RGS20: variants seen among roughly 807,000 people sequenced by gnomAD.
RGS20 encodes the protein regulator of G protein signaling 20.
RGS20 carries 30 observed loss-of-function variants against 33.6 expected under a neutral mutation model. The ratio of observed to expected loss-of-function variants is 0.89; its 90% CI spans 0.67 to 1.21. RGS20 has a LOEUF of 1.21. RGS20 is among the 50% of genes most tolerant of loss of function. RGS20 has a pLI of 0.00. For missense variants in RGS20, 472 were observed against 502.4 expected, an observed-to-expected ratio of 0.94 and a Z score of 0.58; for synonymous variants, 208 against 197.9, an observed-to-expected ratio of 1.05 and a Z score of -0.43.
chr8:53,889,567 G>A (rs1812655387), intron 2 of RGS20, among the ~76,000 whole-genome samples: 1 of 150,904 alleles, frequency 6.6e-6, no homozygotes, highest in Non-Finnish European at 1.5e-5. Context: ...TTGGATATTG[G>A]GAAGGGGTAG....
chr8:53,947,558 T>C (rs1223713875), intron 4 of RGS20, among the ~76,000 whole-genome samples: 1 of 119,550 alleles, frequency 8.4e-6, no homozygotes, highest in Non-Finnish European at 1.6e-5. Flanking sequence ...TTATATATGC[T>C]ATATAGGATA....
At chr8:53,919,939 G>A (rs1813596592) in intron 2 of RGS20, among the ~76,000 whole-genome samples, 1 of 152,118 alleles carries the variant, frequency 6.6e-6, no homozygotes, top group African/African-American at 2.4e-5. Context: ...ACAGTGGTGT[G>A]ATCTTGGCTC....
chr8:53,889,125 C>G (rs1404400671), intron 2 of RGS20, among the ~76,000 whole-genome samples: 1 of 152,148 alleles, frequency 6.6e-6, no homozygotes, highest in East Asian at 1.9e-4. Context: ...TACTGCAAAA[C>G]TGTTTCATAG....
chr8:53,881,763 A>G (rs921812153), intron 2 of RGS20, among the ~76,000 whole-genome samples: 1 of 152,288 alleles, frequency 6.6e-6, no homozygotes, highest in Admixed American at 6.5e-5. Context: ...CGCCTGCGCC[A>G]GGGCAGTTAA....
rs1228011322 is a variant in RGS20 at position 53,879,530 on chromosome 8, G to T, written c.438G>T (p.Pro146=). 1 of 1,541,840 alleles carries T rather than the reference G, an allele frequency of 6.5e-7. No homozygotes were observed. The change falls in exon 2 of 6, where the codon CCG becomes CCT. Residue 146 remains proline (P), a synonymous_variant. Transcript: ENST00000297313. ...CCGGCCGACCCTCGGGGGGTCGTCC[G>T]CTGAGGCCCCCCCATCCGGTAGCCA...
At chr8:53,957,374 C>A (rs1050508921) in intron 5 of RGS20, among the ~76,000 whole-genome samples, 1 of 152,206 alleles carries the variant, frequency 6.6e-6, no homozygotes, top group African/African-American at 2.4e-5. Context: ...GGATTACAGG[C>A]GTGAGCCACC....
rs539258612 is a variant in RGS20, at chr8:53,894,206, A to G, written c.510+14604A>G. ...GTCTTACTGAAAGGTTATAAATGCT[A>G]TGGTTCCCTGCGAAGAGTCCAAAGC... On this transcript the variant is annotated intron_variant, in intron 2 of 5. Coordinates refer to ENST00000297313, the MANE Select transcript of RGS20 (RefSeq NM_170587.4). Among the ~76,000 whole-genome samples, 5 of 152,280 alleles carry G rather than the reference A, an allele frequency of 3.3e-5. No individual in the cohort carries two copies. In the South Asian group the frequency reaches 1.0e-3, roughly 32 times the overall value.
intron 1 of RGS20, among the ~76,000 whole-genome samples, chr8:53,857,565 A>G (rs905047093): frequency 6.6e-6 from 1 of 152,220 alleles, no homozygotes; most frequent in Non-Finnish European, 1.5e-5. Context: ...GATGAGAGAA[A>G]TAAATTTTAG....
Position 53,901,720 on chromosome 8 carries a change from G to A in RGS20, c.510+22118G>A, listed in dbSNP as rs558499946. ...AAAATTATGGAGACAGAGCTGGCACGCACCTGTAGTCCGAGCTACTTGGGA... is the reference window on the plus strand; with the variant it reads ...AAAATTATGGAGACAGAGCTGGCACACACCTGTAGTCCGAGCTACTTGGGA... On this transcript the variant is annotated intron_variant, in intron 2 of 5. Coordinates refer to ENST00000297313, the MANE Select transcript of RGS20 (RefSeq NM_170587.4). Among the ~76,000 whole-genome samples the A allele has an allele frequency of 1.1e-4, 17 of 152,232 alleles. No homozygotes were observed. The East Asian group carries it at 2.5e-3, about 22-fold the overall frequency.
chr8:53,899,575 C>T (rs1026297005), intron 2 of RGS20, among the ~76,000 whole-genome samples: 2 of 152,214 alleles, frequency 1.3e-5, no homozygotes, highest in African/African-American at 4.8e-5. Context: ...CCACCAAGTC[C>T]CTTCCTCCAG....
At chr8:53,920,647 A>G (rs569566610) in intron 2 of RGS20, among the ~76,000 whole-genome samples, 1 of 152,342 alleles carries the variant, frequency 6.6e-6, no homozygotes, top group African/African-American at 2.4e-5. Context: ...TCAGTGTTTA[A>G]TATGATCTTA....
Position 53,854,473 on chromosome 8 carries a change from A to G in RGS20, c.165+2409A>G, listed in dbSNP as rs139202722. Among the ~76,000 whole-genome samples the G allele has an allele frequency of 1.4e-4, 22 of 152,356 alleles. No homozygotes were observed. In the East Asian group the frequency reaches 3.9e-3, roughly 27 times the overall value. ...AGATGGCAAATAAATACATGAAAAG[A>G]TAGTCAACATTGTTAGCCACTAGGA... is the stretch of plus-strand genomic sequence containing the variant. On this transcript the variant is annotated intron_variant, in intron 1 of 5. Transcript: ENST00000297313.
Position 53,879,388 on chromosome 8 carries a change from G to T in RGS20, c.296G>T (p.Arg99Leu). 1.2e-6 allele frequency: 2 copies of T among 1,610,820 alleles called. No individual in the cohort carries two copies. The highest frequency in any genetic ancestry group is 8.5e-7 in the Non-Finnish European group (1 of 1,179,640). Residue 99 changes from arginine (R) to leucine (L), a missense_variant, in exon 2 of 6, where the codon CGG (arginine) becomes CTG (leucine). Around this residue, in one of 3 missense-constraint regions of RGS20, gnomAD observed 319 missense variants for 283.4 expected, o/e 1.13. Transcript: ENST00000297313. Reference sequence around the variant, plus strand: ...CGGCGACCCCCTCCCGAGGCTCCCCGGAGGCGCCTGGACTTCTCCCCCCTG... The same window carrying T: ...CGGCGACCCCCTCCCGAGGCTCCCCTGAGGCGCCTGGACTTCTCCCCCCTG...
At chr8:53,852,226 A>G (rs1453600240) in intron 1 of RGS20, among the ~76,000 whole-genome samples, 2 of 152,252 alleles carry the variant, frequency 1.3e-5, no homozygotes, top group Admixed American at 1.3e-4. Context: ...TAGAACCTAG[A>G]TGATAATTAC....
rs1466362397 is a variant in RGS20 at position 53,879,503 on chromosome 8, G to A, written c.411G>A (p.Leu137=). The change falls in exon 2 of 6, where the codon CTG becomes CTA. Residue 137 remains leucine, a synonymous_variant. Transcript: ENST00000297313. ...TCCTGCTCGGGGCGGCGCTGGCACT[G>A]CCCGGCCGACCCTCGGGGGGTCGTC... is the stretch of plus-strand genomic sequence containing the variant. The A allele has an allele frequency of 1.9e-6, 3 of 1,550,876 alleles. No homozygotes were observed. The highest frequency in any genetic ancestry group is 4.0e-5 in the Admixed American group (2 of 50,030).
At chr8:53,878,849 C>A (rs191789882) in intron 1 of RGS20, among the ~76,000 whole-genome samples, 281 of 152,214 alleles carry the variant, frequency 1.8e-3, no homozygotes, top group African/African-American at 6.4e-3. Context: ...GCAACAGTTA[C>A]AAAAGTGAAC....
At chr8:53,894,936 G>A (rs1233998936) in intron 2 of RGS20, among the ~76,000 whole-genome samples, 3 of 152,162 alleles carry the variant, frequency 2.0e-5, no homozygotes, top group Non-Finnish European at 4.4e-5. Flanking sequence ...AACAGGATCT[G>A]GATTCTATTT....
chr8:53,947,425 A>G (rs1252339135), intron 4 of RGS20, among the ~76,000 whole-genome samples: 1 of 140,006 alleles, frequency 7.1e-6, no homozygotes, highest in Non-Finnish European at 1.5e-5. Flanking sequence ...TATATATGCT[A>G]TATATGATAT....
At chr8:53,957,441 A>T (rs1814899116) in intron 5 of RGS20, among the ~76,000 whole-genome samples, 1 of 152,196 alleles carries the variant, frequency 6.6e-6, no homozygotes, top group African/African-American at 2.4e-5. Flanking sequence ...AGGCCCTGTG[A>T]TTGGAACCTT....
Sources: gnomAD v4.1 joint callset for allele counts (sites outside exome capture counted in the v4.1 genomes callset) on GRCh38, gnomAD v4.1.1 for gene constraint, gnomAD v4.1.1 regional missense constraint, MANE v1.5 for transcripts, NCBI Gene and HGNC (gene_info 2026-07-23, HGNC 2026-07-21) for gene names.